Variants in GLI3 observed in about 807,000 individuals in gnomAD.
GLI3 encodes transcription activator GLI3.
In GLI3, 20 loss-of-function variants were observed where a neutral mutation model predicts 100.8. The observed-to-expected ratio is 0.20, with a 90% CI of 0.14 to 0.29. The LOEUF (loss-of-function observed/expected upper bound fraction) is 0.29, where lower values mean the gene tolerates loss of function less well. GLI3 is among the 10% of genes least tolerant of loss of function. The pLI, the probability that GLI3 is intolerant of heterozygous loss-of-function variation, is 1.00. For missense variants in GLI3, 2,040 were observed against 2,128.5 expected (o/e 0.96, Z 0.82); for synonymous variants, 938 against 860.5 (o/e 1.09, Z -1.58).
Position 41,965,056 on chromosome 7 carries a change from G to A in GLI3, c.4017C>T (p.Arg1339=), listed in dbSNP as rs751134295. The A allele has an allele frequency of 6.2e-7, 1 of 1,613,894 alleles. No individual in the cohort carries two copies. Among genetic ancestry groups the A allele is most frequent in the Non-Finnish European group, 8.5e-7 (1 of 1,180,034 alleles). ...GDSMQHPGAG[R]PGQQMLGQIS... ...TCTGCCCAAGCATCTGCTGACCGGGGCGGCCTGCCCCCGGGTGCTGCATGC... is the reference window on the plus strand; with the variant it reads ...TCTGCCCAAGCATCTGCTGACCGGGACGGCCTGCCCCCGGGTGCTGCATGC... Residue 1339 remains arginine (R), a synonymous_variant, in exon 15 of 15, where the codon CGC becomes CGT. Coordinates refer to ENST00000395925, the MANE Select transcript of GLI3 (RefSeq NM_000168.6).
chr7:41,978,258 G>T (rs187992915), intron 11 of GLI3, among the ~76,000 whole-genome samples: 1 of 152,310 alleles, frequency 6.6e-6, no homozygotes, highest in African/African-American at 2.4e-5. Context: ...CTCGTATAGG[G>T]ATTAGCTGTT....
chr7:42,071,878 G>C (rs926582614), intron 4 of GLI3, among the ~76,000 whole-genome samples: 1 of 152,084 alleles, frequency 6.6e-6, no homozygotes, highest in African/African-American at 2.4e-5. Flanking sequence ...CTGAGGTGAA[G>C]GGAGGTGGCC....
intron 7 of GLI3, among the ~76,000 whole-genome samples, chr7:42,038,608 G>C (rs1784067834): frequency 6.6e-6 from 1 of 152,178 alleles, no homozygotes; most frequent in Non-Finnish European, 1.5e-5. Flanking sequence ...CCTGTGCACT[G>C]ACTGCTATCA....
chr7:41,979,196 C>T (rs1028138352), intron 10 of GLI3, among the ~76,000 whole-genome samples: 5 of 152,166 alleles, frequency 3.3e-5, no homozygotes, highest in African/African-American at 4.8e-5. Flanking sequence ...GTTAGCACCG[C>T]GGCTTAGGCT....
At chr7:42,031,650 C>T (rs1202876191) in intron 7 of GLI3, among the ~76,000 whole-genome samples, 5 of 152,160 alleles carry the variant, frequency 3.3e-5, no homozygotes, top group Non-Finnish European at 7.3e-5. Flanking sequence ...TTAATTTGCC[C>T]TTTATTTTAC....
intron 3 of GLI3, among the ~76,000 whole-genome samples, chr7:42,142,998 C>T (rs1479907943): frequency 6.7e-6 from 1 of 149,910 alleles, no homozygotes; most frequent in Non-Finnish European, 1.5e-5. Flanking sequence ...TAAAACATTA[C>T]CTCTGGATTA....
intron 1 of GLI3, among the ~76,000 whole-genome samples, chr7:42,257,554 CA>C: frequency 6.6e-6 from 1 of 152,098 alleles, no homozygotes; most frequent in Non-Finnish European, 1.5e-5. Flanking sequence ...CCGTATTAGC[CA>C]GGATGGTCTC....
rs191932361 is a variant in GLI3 at position 42,252,819 on chromosome 7, T to A, written c.-43+11175A>T. 2.4e-3 allele frequency among the ~76,000 whole-genome samples: 360 copies of A among 152,280 alleles called. 1 individual carries two copies. The highest frequency in any genetic ancestry group is 1.1e-3 in the Non-Finnish European group (78 of 68,016). On this transcript the variant is annotated intron_variant, in intron 1 of 2. Coordinates refer to the GLI3 transcript ENST00000678978. ...TAGGCTTCAAATGGTTACAGGGAACTTCCAATTAAGAGTTTTTAATGTCCA... is the reference window on the plus strand; with the variant it reads ...TAGGCTTCAAATGGTTACAGGGAACATCCAATTAAGAGTTTTTAATGTCCA...
chr7:42,084,898 ATTCTT>A (rs1785069124), intron 3 of GLI3, among the ~76,000 whole-genome samples: 1 of 91,896 alleles, frequency 1.1e-5, no homozygotes, highest in African/African-American at 4.5e-5. Flanking sequence ...ATGCATTTGG[ATTCTT>A]TTTTTTTTTT....
At chr7:42,210,158 G>C (rs1788237946) in intron 2 of GLI3, among the ~76,000 whole-genome samples, 1 of 152,052 alleles carries the variant, frequency 6.6e-6, no homozygotes, top group Non-Finnish European at 1.5e-5. Context: ...ATTTCCCTTA[G>C]ATTTCATATT....
intron 2 of GLI3, among the ~76,000 whole-genome samples, chr7:42,210,699 G>A (rs1468890343): frequency 1.3e-5 from 2 of 151,740 alleles, no homozygotes; most frequent in Non-Finnish European, 2.9e-5. Context: ...CAAGAAAAGG[G>A]GAGTGACAAG....
intron 3 of GLI3, among the ~76,000 whole-genome samples, chr7:42,100,715 G>A (rs940670757): frequency 5.9e-5 from 9 of 152,058 alleles, no homozygotes; most frequent in Non-Finnish European, 7.4e-5. Flanking sequence ...GCACTCCAGT[G>A]TGGGTGACAG....
rs149105540 is a variant in GLI3 at position 42,040,546 on chromosome 7, C to T, written c.827-307G>A. Among the ~76,000 whole-genome samples the T allele has an allele frequency of 6.2e-4, 95 of 152,260 alleles. 1 individual carries two copies. Among genetic ancestry groups the T allele is most frequent in the African/African-American group, 2.1e-3 (87 of 41,526 alleles). ...CATTTCTGGTGATTTATGAATCTGA[C>T]GGCTGCTTAGATATTCCCATCATTA... On this transcript the variant is annotated intron_variant, in intron 6 of 14. Transcript: ENST00000395925.
At chr7:42,069,130 G>A (rs1784735980) in intron 4 of GLI3, among the ~76,000 whole-genome samples, 1 of 152,120 alleles carries the variant, frequency 6.6e-6, no homozygotes, top group Non-Finnish European at 1.5e-5. Flanking sequence ...CTCCTGGACC[G>A]TGCTGCTGAG....
chr7:42,120,149 A>T (rs1418301770), intron 3 of GLI3, among the ~76,000 whole-genome samples: 2 of 152,212 alleles, frequency 1.3e-5, no homozygotes, highest in Non-Finnish European at 2.9e-5. Context: ...TGACTTTAGC[A>T]GCCCCACTGC....
intron 4 of GLI3, 21 bp from the exon 5 acceptor site, chr7:42,048,717 A>T (rs771168250): frequency 6.6e-7 from 1 of 1,516,640 alleles, no homozygotes; most frequent in Non-Finnish European, 9.1e-7. Flanking sequence ...AGAAAACCAG[A>T]TACAAGGGGT....
rs1044633778 is a variant in GLI3, at chr7:41,972,065, C to T, written c.2103+272G>A. Among the ~76,000 whole-genome samples the T allele has an allele frequency of 1.3e-5, 2 of 152,186 alleles. No homozygotes were observed. The highest frequency in any genetic ancestry group is 6.5e-5 in the Admixed American group (1 of 15,284). On this transcript the variant is annotated intron_variant, in intron 13 of 14. Transcript: ENST00000395925. This position sits in a 1 kb window ranked among gnomAD's most constrained non-coding sequence, Gnocchi z 4.4. ...TGAATGATTTTCGACATTACAGACA[C>T]GCTGGAGAGACAGACAGTCGTGTCT... is the stretch of plus-strand genomic sequence containing the variant.
At chr7:42,038,669 G>T (rs1784068782) in intron 7 of GLI3, among the ~76,000 whole-genome samples, 1 of 152,106 alleles carries the variant, frequency 6.6e-6, no homozygotes, top group African/African-American at 2.4e-5. Context: ...CATATGAAAA[G>T]AACAAAGAAA....
intron 3 of GLI3, among the ~76,000 whole-genome samples, chr7:42,102,913 C>A (rs1271092733): frequency 1.3e-5 from 2 of 152,198 alleles, no homozygotes; most frequent in African/African-American, 4.8e-5. Context: ...TAACATACAG[C>A]AAACTCAAAG....
Sources: allele counts gnomAD v4.1 joint callset (sites outside exome capture counted in the v4.1 genomes callset), GRCh38; gene constraint gnomAD v4.1.1; non-coding constraint Gnocchi (gnomAD v3.1); transcripts MANE v1.5; gene names NCBI Gene and HGNC (gene_info 2026-07-23, HGNC 2026-07-21).